The following ARHGAP25 variants were observed in gnomAD, a reference collection of about 807,000 sequenced individuals.
The protein encoded by ARHGAP25 is Rho GTPase activating protein 25.
In ARHGAP25, 34 loss-of-function variants were observed where a neutral mutation model predicts 71.0. The observed-to-expected ratio is 0.48, with a 90% CI of 0.36 to 0.64. The LOEUF (loss-of-function observed/expected upper bound fraction) is 0.64, where lower values mean the gene tolerates loss of function less well. ARHGAP25 is among the 30% of genes least tolerant of loss of function. The pLI, the probability that ARHGAP25 is intolerant of heterozygous loss-of-function variation, is 0.00. For synonymous variants in ARHGAP25, 282 were observed against 296.5 expected (o/e 0.95, Z 0.50); for missense variants, 706 against 805.1 (o/e 0.88, Z 1.49).
chr2:68,774,968 C>T (rs1677764847), intron 1 of ARHGAP25: 3 of 1,428,010 alleles, frequency 2.1e-6, no homozygotes, highest in Non-Finnish European at 2.7e-6. Flanking sequence ...CGGTGCCGGA[C>T]TGCCTGTGCA....
chr2:68,789,289 C>T (rs776963221), intron 4 of ARHGAP25, among the ~76,000 whole-genome samples: 9 of 152,162 alleles, frequency 5.9e-5, no homozygotes, highest in Non-Finnish European at 1.0e-4. Context: ...CCACCCGCCT[C>T]GGCCTCCCAA....
intron 2 of ARHGAP25, among the ~76,000 whole-genome samples, chr2:68,777,129 A>G (rs1677978627): frequency 6.6e-6 from 1 of 152,132 alleles, no homozygotes. Flanking sequence ...AAGCCAAGCA[A>G]TTCCAGGCTA....
chr2:68,792,696 T>G (rs947850473), intron 4 of ARHGAP25, among the ~76,000 whole-genome samples: 1 of 152,244 alleles, frequency 6.6e-6, no homozygotes, highest in African/African-American at 2.4e-5. Flanking sequence ...GTTAGGTTGA[T>G]TCCATATCTT....
At chr2:68,715,503 G>A (rs1286474613) in intron 2 of ARHGAP25, among the ~76,000 whole-genome samples, 1 of 152,214 alleles carries the variant, frequency 6.6e-6, no homozygotes, top group Non-Finnish European at 1.5e-5. Context: ...TGGGAGGCTT[G>A]TTTAGGGGCT....
Position 68,734,830 on chromosome 2 carries a change from A to G in ARHGAP25, c.-370A>G, listed in dbSNP as rs574111002. ...GGCAGCAGTTGTTTATCACGACCTC[A>G]ACTCAGTAAGGCCTGAGATTCTTTC... On this transcript the variant is annotated 5_prime_UTR_variant, in exon 1 of 11. Transcript: ENST00000409202. The G allele has an allele frequency of 5.1e-5, 14 of 274,180 alleles. No individual in the cohort carries two copies. The highest frequency in any genetic ancestry group is 2.4e-4 in the African/African-American group (11 of 45,254). The allele number at this position is 274,180 out of a possible 1,614,324, so 17.0% of individuals were successfully genotyped here.
chr2:68,729,405 T>C (rs1327375316), intron 2 of ARHGAP25, among the ~76,000 whole-genome samples: 1 of 152,070 alleles, frequency 6.6e-6, no homozygotes, highest in Admixed American at 6.5e-5. Context: ...TAACTGATGC[T>C]CCTGAAGAAG....
At position 68,725,877 on chromosome 2, in the gene ARHGAP25, G is replaced by A. The variant is rs147924058; in HGVS notation, c.-18+15179G>A. Among the ~76,000 whole-genome samples the A allele has an allele frequency of 3.5e-3, 535 of 152,178 alleles. 3 individuals carry two copies. The highest frequency in any genetic ancestry group is 0.012 in the African/African-American group (508 of 41,512). On this transcript the variant is annotated intron_variant and NMD_transcript_variant, in intron 2 of 7. Coordinates refer to the ARHGAP25 transcript ENST00000463483. The stretch of plus-strand genomic sequence containing the variant: ...TCTTGCACTCACACCTCCATCTGCT[G>A]GAAGGTTCTCCCACATAGGTTTACC...
upstream of ARHGAP25, among the ~76,000 whole-genome samples, chr2:68,732,908 TAGTTTG>T (rs1403629266): frequency 6.6e-6 from 1 of 152,234 alleles, no homozygotes; most frequent in Non-Finnish European, 1.5e-5. Flanking sequence ...TGGATACATT[TAGTTTG>T]AGATGGCTAC....
intron 1 of ARHGAP25, 188 bp from the exon 2 acceptor site, chr2:68,775,033 C>T: frequency 1.3e-6 from 2 of 1,506,222 alleles, no homozygotes; most frequent in Middle Eastern, 2.4e-4. Context: ...TGACCGGGAG[C>T]TGGCCCCTCG....
At chr2:68,753,636 C>T (rs1676311278) in intron 1 of ARHGAP25, among the ~76,000 whole-genome samples, 1 of 152,158 alleles carries the variant, frequency 6.6e-6, no homozygotes, top group Non-Finnish European at 1.5e-5. Flanking sequence ...ATGTTACTCC[C>T]GGATCACTGG....
chr2:68,814,195 T>C (rs1196221953), intron 6 of ARHGAP25, among the ~76,000 whole-genome samples: 1 of 152,242 alleles, frequency 6.6e-6, no homozygotes, highest in Non-Finnish European at 1.5e-5. Flanking sequence ...CAGAAAAATC[T>C]ATAATGAGAC....
At chr2:68,716,546 G>C (rs558265202) in intron 2 of ARHGAP25, among the ~76,000 whole-genome samples, 2 of 152,122 alleles carry the variant, frequency 1.3e-5, no homozygotes, top group Non-Finnish European at 2.9e-5. Context: ...ATCCTTCCCT[G>C]AAGCTTGGGT....
intron 2 of ARHGAP25, among the ~76,000 whole-genome samples, chr2:68,720,231 T>G (rs1374645251): frequency 6.7e-6 from 1 of 149,950 alleles, no homozygotes; most frequent in African/African-American, 2.5e-5. Context: ...TGGGCTTCCT[T>G]GATAAACTGT....
chr2:68,715,782 T>G (rs1674595117), intron 2 of ARHGAP25, among the ~76,000 whole-genome samples: 3 of 152,176 alleles, frequency 2.0e-5, no homozygotes, highest in Non-Finnish European at 4.4e-5. Flanking sequence ...GAGTTTGGTT[T>G]AGCAGTGAGG....
chr2:68,743,466 G>A (rs751510974), intron 1 of ARHGAP25, among the ~76,000 whole-genome samples: 12 of 152,116 alleles, frequency 7.9e-5, no homozygotes, highest in Non-Finnish European at 1.5e-4. Flanking sequence ...TGAGGCTCCC[G>A]CCTTTCTTGT....
Position 68,813,268 on chromosome 2 carries a change from G to T in ARHGAP25, c.675-19G>T. 4 of 1,600,346 alleles carry T rather than the reference G, an allele frequency of 2.5e-6. No homozygotes were observed. The highest frequency in any genetic ancestry group is 3.4e-6 in the Non-Finnish European group (4 of 1,175,514). On this transcript the variant is annotated intron_variant, in intron 5 of 10. Transcript: ENST00000409202. ...TTTCTTTCAAAGAGTTTCACAGAGCGTTGCTTATTTTCTTCCAGAGACACA... is the reference window on the plus strand; with the variant it reads ...TTTCTTTCAAAGAGTTTCACAGAGCTTTGCTTATTTTCTTCCAGAGACACA...
chr2:68,760,808 G>A (rs150327068), intron 1 of ARHGAP25, among the ~76,000 whole-genome samples: 68 of 137,246 alleles, frequency 5.0e-4, no homozygotes, highest in African/African-American at 1.7e-3. Flanking sequence ...ACTTTTTGTA[G>A]AAATAGAAAA....
chr2:68,742,503 T>C (rs1246942164), intron 1 of ARHGAP25, among the ~76,000 whole-genome samples: 1 of 152,148 alleles, frequency 6.6e-6, no homozygotes, highest in African/African-American at 2.4e-5. Context: ...GTAAAATGAG[T>C]GCAATCCTAG....
intron 1 of ARHGAP25, among the ~76,000 whole-genome samples, chr2:68,766,767 T>C (rs55920135): frequency 0.09 from 13,658 of 152,048 alleles, 708 homozygotes; most frequent in Non-Finnish European, 0.11. Context: ...TCTCCCTCTC[T>C]CTTGTTCTCA....
Sources: allele counts gnomAD v4.1 joint callset (sites outside exome capture counted in the v4.1 genomes callset), GRCh38; gene constraint gnomAD v4.1.1; transcripts MANE v1.5; gene names NCBI Gene and HGNC (gene_info 2026-07-23, HGNC 2026-07-21).